The following BMERB1 variants were observed in gnomAD, a reference collection of about 807,000 sequenced individuals.
The protein encoded by BMERB1 is bMERB domain containing 1, also known as bMERB domain-containing protein 1.
BMERB1 carries 12 observed loss-of-function variants against 23.6 expected under a neutral mutation model. The ratio of observed to expected loss-of-function variants is 0.51; its 90% CI spans 0.33 to 0.82. The LOEUF (loss-of-function observed/expected upper bound fraction) is 0.82. Ranked by LOEUF, BMERB1 falls within the 40% of genes least tolerant of loss-of-function variation. The probability of loss-of-function intolerance (pLI) is 0.03; values close to 1 mark genes in which losing one functional copy is unlikely to be tolerated. For synonymous variants in BMERB1, 122 were observed against 96.6 expected (o/e 1.26, Z -1.54); for missense variants, 247 against 255.4 (o/e 0.97, Z 0.22).
rs11540892 is a variant in BMERB1 at position 15,434,639 on chromosome 16, C to T, written c.-15C>T. The stretch of plus-strand genomic sequence containing the variant: ...AGTAAAGGGAGACCCGTCGACCTGG[C>T]CACGGGGATCAGCGATGGAATTAAA... On this transcript the variant is annotated 5_prime_UTR_variant, in exon 1 of 6. Transcript: ENST00000300006. The T allele has an allele frequency of 1.1e-4, 174 of 1,611,204 alleles. 1 individual carries two copies. The highest frequency in any genetic ancestry group is 8.3e-4 in the Middle Eastern group (5 of 6,058).
chr16:15,534,295 A>AT (rs1432252818), intron 2 of BMERB1, among the ~76,000 whole-genome samples: 2 of 126,218 alleles, frequency 1.6e-5, no homozygotes, highest in African/African-American at 6.9e-5. Context: ...GCAAAAAAAA[A>AT]AAAAAAAAAA....
chr16:15,515,848 A>G (rs1178551193), intron 2 of BMERB1, among the ~76,000 whole-genome samples: 1 of 152,174 alleles, frequency 6.6e-6, no homozygotes, highest in African/African-American at 2.4e-5. Flanking sequence ...AAATGGGGAA[A>G]AATAACAAGA....
At chr16:15,581,554 G>T (rs2031014806) in intron 4 of BMERB1, among the ~76,000 whole-genome samples, 1 of 152,194 alleles carries the variant, frequency 6.6e-6, no homozygotes, top group Admixed American at 6.5e-5. Context: ...AGGGAATGTT[G>T]TTCCAGGAAG....
At chr16:15,503,447 A>ATTTTT (rs35592502) in intron 1 of BMERB1, among the ~76,000 whole-genome samples, 11 of 133,236 alleles carry the variant, frequency 8.3e-5, no homozygotes, top group Middle Eastern at 4.1e-3. Flanking sequence ...ACGCCCGGCT[A>ATTTTT]TTTTTTTTTT....
intron 1 of BMERB1, among the ~76,000 whole-genome samples, chr16:15,455,905 G>A (rs1424127395): frequency 1.3e-5 from 2 of 152,174 alleles, no homozygotes; most frequent in Non-Finnish European, 2.9e-5. Flanking sequence ...TGAAAGGTCC[G>A]TCGTTAATGT....
At chr16:15,526,579 G>A (rs576722225) in intron 2 of BMERB1, among the ~76,000 whole-genome samples, 2 of 148,288 alleles carry the variant, frequency 1.3e-5, no homozygotes, top group East Asian at 2.0e-4. Context: ...CAGGAGAATC[G>A]CTTGAACCCA....
At chr16:15,511,390 G>A (rs1383129696) in intron 1 of BMERB1, among the ~76,000 whole-genome samples, 1 of 152,052 alleles carries the variant, frequency 6.6e-6, no homozygotes, top group African/African-American at 2.4e-5. Flanking sequence ...TCTTTAGAAG[G>A]CAAGGAGGAG....
Position 15,483,028 on chromosome 16 carries a change from G to A in BMERB1, c.107-32277G>A, listed in dbSNP as rs144071400. On this transcript the variant is annotated intron_variant, in intron 1 of 5. Transcript: ENST00000300006. ...AAAGTCAACCAACATCCTGATGCGT[G>A]TTTTTCTAGTAACCTTTTAATATTT... Among the ~76,000 whole-genome samples the A allele has an allele frequency of 6.8e-3, 1,041 of 152,252 alleles. 10 individuals are homozygous for A. The highest frequency in any genetic ancestry group is 8.9e-3 in the South Asian group (43 of 4,832).
chr16:15,460,641 A>G (rs1223933970), intron 1 of BMERB1, among the ~76,000 whole-genome samples: 2 of 152,164 alleles, frequency 1.3e-5, no homozygotes, highest in East Asian at 3.8e-4. Flanking sequence ...GGCTACGTTG[A>G]CACTAGGTAG....
rs149023612 is a variant in BMERB1 at position 15,516,458 on chromosome 16, A to G, written c.230+1030A>G. 5.2e-3 allele frequency among the ~76,000 whole-genome samples: 798 copies of G among 152,298 alleles called. 3 individuals are homozygous for G. The highest frequency in any genetic ancestry group is 0.018 in the African/African-American group (748 of 41,560). On this transcript the variant is annotated intron_variant, in intron 2 of 5. Transcript: ENST00000300006. ...TTAAAAATACAAAAAATATAAAAAC[A>G]TCAAATTAAAATGAAAAAGTTTTTT...
intron 1 of BMERB1, among the ~76,000 whole-genome samples, chr16:15,450,277 AT>A (rs2150923842): frequency 6.6e-6 from 1 of 152,254 alleles, no homozygotes; most frequent in Non-Finnish European, 1.5e-5. Flanking sequence ...AAATATTATT[AT>A]TCTTTTGATG....
chr16:15,500,852 A>C (rs919732721), intron 1 of BMERB1, among the ~76,000 whole-genome samples: 2 of 152,124 alleles, frequency 1.3e-5, no homozygotes, highest in Non-Finnish European at 2.9e-5. Flanking sequence ...GGGTTTCACC[A>C]TGTTGTCCAG....
chr16:15,469,615 A>G (rs991739115), intron 1 of BMERB1, among the ~76,000 whole-genome samples: 4 of 152,222 alleles, frequency 2.6e-5, no homozygotes, highest in Non-Finnish European at 4.4e-5. Flanking sequence ...TTGCCAATCC[A>G]TGAACACAAT....
intron 1 of BMERB1, chr16:15,447,796 T>TAA (rs2150923088): frequency 4.4e-6 from 2 of 451,922 alleles, no homozygotes; most frequent in Non-Finnish European, 8.9e-6. Context: ...AAAAGGATGG[T>TAA]TAAGCAGGAC....
chr16:15,444,119 C>CTTTTTTTTTTTTTTTTTTTTT (rs1225982061), intron 1 of BMERB1, among the ~76,000 whole-genome samples: 1 of 24,458 alleles, frequency 4.1e-5, no homozygotes, highest in Non-Finnish European at 7.9e-5. Flanking sequence ...CAGGCACCAG[C>CTTTTTTTTTTTTTTTTTTTTT]TTTGTTTTTT....
At chr16:15,437,897 G>A (rs534675898) in intron 1 of BMERB1, among the ~76,000 whole-genome samples, 2 of 151,838 alleles carry the variant, frequency 1.3e-5, no homozygotes, top group South Asian at 4.2e-4. Flanking sequence ...GGCGGAGCTT[G>A]CAGTGAGCCG....
At chr16:15,468,081 ATTTCTTTTCTTTTTTTTTACTT>A (rs1344098408) in intron 1 of BMERB1, among the ~76,000 whole-genome samples, 2 of 115,336 alleles carry the variant, frequency 1.7e-5, no homozygotes, top group Admixed American at 8.5e-5. Context: ...GATTGTAAAT[ATTTCTTTTCTTTTTTTTTACTT>A]TTTCTTTTCT....
chr16:15,539,856 A>T (rs1288845857), intron 2 of BMERB1, among the ~76,000 whole-genome samples: 2 of 151,660 alleles, frequency 1.3e-5, no homozygotes, highest in Non-Finnish European at 2.9e-5. Context: ...AAAAAAAAAG[A>T]AAAAGAAAAA....
At chr16:15,437,129 C>A (rs536103419) in intron 1 of BMERB1, among the ~76,000 whole-genome samples, 1 of 152,210 alleles carries the variant, frequency 6.6e-6, no homozygotes, top group Non-Finnish European at 1.5e-5. Flanking sequence ...CAGAAAACTT[C>A]CTAAGTCTAT....
Sources: gnomAD v4.1 joint callset for allele counts (sites outside exome capture counted in the v4.1 genomes callset) on GRCh38, gnomAD v4.1.1 for gene constraint, MANE v1.5 for transcripts, NCBI Gene and HGNC (gene_info 2026-07-23, HGNC 2026-07-21) for gene names.